BRINP3: variants seen among roughly 807,000 people sequenced by gnomAD.
BRINP3 encodes the protein BMP/retinoic acid inducible neural specific 3.
Under a neutral mutation model 71.0 loss-of-function variants are expected in BRINP3, and 19 were observed. The observed-to-expected ratio is 0.27, with a 90% confidence interval of 0.19 to 0.39. The LOEUF is 0.39. Ranked by LOEUF, BRINP3 falls within the 10% of genes least tolerant of loss-of-function variation. BRINP3 has a pLI of 1.00. For missense variants in BRINP3, 959 were observed against 940.8 expected (o/e 1.02, Z -0.25); for synonymous variants, 380 against 337.7 (o/e 1.13, Z -1.37).
chr1:190,315,012 G>GT (rs1176881355), intron 2 of BRINP3, among the ~76,000 whole-genome samples: 1 of 152,108 alleles, frequency 6.6e-6, no homozygotes, highest in Non-Finnish European at 1.5e-5. Context: ...TAAGGTATGT[G>GT]TTTAAGACAG....
intron 2 of BRINP3, among the ~76,000 whole-genome samples, chr1:190,379,997 C>CAAAAAAAAAA (rs34329313): frequency 2.0e-5 from 2 of 100,840 alleles, no homozygotes; most frequent in South Asian, 3.7e-4. Flanking sequence ...GACTCCACCT[C>CAAAAAAAAAA]AAAAAAAAAA....
At chr1:190,128,141 T>C (rs1490766759) in intron 7 of BRINP3, among the ~76,000 whole-genome samples, 1 of 151,766 alleles carries the variant, frequency 6.6e-6, no homozygotes, top group Non-Finnish European at 1.5e-5. Flanking sequence ...TTATTCATAA[T>C]TATGTGAATT....
intron 2 of BRINP3, among the ~76,000 whole-genome samples, chr1:190,343,093 G>C (rs1212983921): frequency 6.6e-6 from 1 of 151,806 alleles, no homozygotes; most frequent in Non-Finnish European, 1.5e-5. Context: ...ACAGGTTGAA[G>C]TTAAGATGAA....
chr1:190,182,226 A>G (rs1653091342), intron 6 of BRINP3, among the ~76,000 whole-genome samples: 1 of 151,896 alleles, frequency 6.6e-6, no homozygotes, highest in Non-Finnish European at 1.5e-5. Flanking sequence ...TTATGTATTT[A>G]TTTGCCAAAT....
rs529938453 is a variant in BRINP3, at chr1:190,355,469, T to A, written c.237-73719A>T. On this transcript the variant is annotated intron_variant, in intron 2 of 7. Transcript: ENST00000367462. ...GGCCAAAAACCAAAAACAAACATTA[T>A]AAGTGACAACAGCTAAAACTAAGCA... Among the ~76,000 whole-genome samples the A allele has an allele frequency of 7.9e-5, 12 of 152,018 alleles. No individual in the cohort carries two copies. The East Asian group carries it at 2.1e-3, about 27-fold the overall frequency.
intron 2 of BRINP3, among the ~76,000 whole-genome samples, chr1:190,400,531 C>T (rs1034487312): frequency 2.6e-5 from 4 of 152,060 alleles, no homozygotes; most frequent in African/African-American, 7.2e-5. Flanking sequence ...TTTTAGTCAG[C>T]GTGAGGTTTC....
At chr1:190,297,265 G>A (rs1664321562) in intron 2 of BRINP3, among the ~76,000 whole-genome samples, 1 of 151,906 alleles carries the variant, frequency 6.6e-6, no homozygotes, top group African/African-American at 2.4e-5. Context: ...TTTGACAATG[G>A]TGTGAAGAAC....
intron 2 of BRINP3, among the ~76,000 whole-genome samples, chr1:190,432,575 C>T (rs574395174): frequency 1.3e-5 from 2 of 152,230 alleles, no homozygotes; most frequent in South Asian, 2.1e-4. Flanking sequence ...CATGGCATTT[C>T]GGGGCTGATA....
intron 2 of BRINP3, among the ~76,000 whole-genome samples, chr1:190,440,207 T>A (rs762464613): frequency 6.6e-6 from 1 of 151,996 alleles, no homozygotes; most frequent in Non-Finnish European, 1.5e-5. Context: ...CCATCTGATA[T>A]GTTTTATTCA....
chr1:190,366,851 A>T (rs966457691), intron 2 of BRINP3, among the ~76,000 whole-genome samples: 2 of 152,198 alleles, frequency 1.3e-5, no homozygotes, highest in Non-Finnish European at 1.5e-5. Context: ...TCTGTGTCTC[A>T]CATCCAGGGC....
intron 7 of BRINP3, among the ~76,000 whole-genome samples, chr1:190,126,158 T>C (rs1654069246): frequency 6.6e-6 from 1 of 151,968 alleles, no homozygotes; most frequent in African/African-American, 2.4e-5. Context: ...ATTTAAACAA[T>C]TGGAATAAAA....
At chr1:190,109,348 CAA>C (rs1307409313) in intron 7 of BRINP3, among the ~76,000 whole-genome samples, 1 of 152,110 alleles carries the variant, frequency 6.6e-6, no homozygotes, top group Non-Finnish European at 1.5e-5. Context: ...CAAGGATTAA[CAA>C]AAGTCATTCT....
At chr1:190,241,917 C>A (rs972517226) in intron 4 of BRINP3, among the ~76,000 whole-genome samples, 8 of 151,288 alleles carry the variant, frequency 5.3e-5, no homozygotes, top group South Asian at 2.1e-4. Context: ...GAAGATAGTG[C>A]CTTATAATAT....
At chr1:190,301,182 TATATGTATATATATACACATAC>T (rs1558160389) in intron 2 of BRINP3, among the ~76,000 whole-genome samples, 4 of 114,918 alleles carry the variant, frequency 3.5e-5, no homozygotes, top group African/African-American at 6.4e-5. Context: ...TATACATATA[TATATGTATATATATACACATAC>T]ATATATATAT....
chr1:190,430,776 G>A (rs1378431627), intron 2 of BRINP3, among the ~76,000 whole-genome samples: 1 of 152,072 alleles, frequency 6.6e-6, no homozygotes, highest in African/African-American at 2.4e-5. Flanking sequence ...TGAAAGTATT[G>A]ACAAAAACCA....
chr1:190,366,681 G>A (rs1669525760), intron 2 of BRINP3, among the ~76,000 whole-genome samples: 1 of 152,102 alleles, frequency 6.6e-6, no homozygotes, highest in South Asian at 2.1e-4. Flanking sequence ...AAGCAAATTA[G>A]TTACTTCCTA....
At chr1:190,218,923 G>A (rs1656638173) in intron 6 of BRINP3, among the ~76,000 whole-genome samples, 1 of 152,004 alleles carries the variant, frequency 6.6e-6, no homozygotes, top group African/African-American at 2.4e-5. Context: ...ATATTTTGTT[G>A]AAGCCATCAT....
intron 2 of BRINP3, among the ~76,000 whole-genome samples, chr1:190,364,665 T>C (rs1403862542): frequency 6.6e-6 from 1 of 152,062 alleles, no homozygotes; most frequent in African/African-American, 2.4e-5. Flanking sequence ...CAAATTGCTC[T>C]TCCAGTAAAG....
intron 6 of BRINP3, among the ~76,000 whole-genome samples, chr1:190,179,317 G>A (rs1354731638): frequency 6.6e-6 from 1 of 152,122 alleles, no homozygotes; most frequent in Admixed American, 6.6e-5. Flanking sequence ...AGCAATGACA[G>A]CTTGGTCCCT....
Sources: allele counts gnomAD v4.1 joint callset (sites outside exome capture counted in the v4.1 genomes callset), GRCh38; gene constraint gnomAD v4.1.1; transcripts MANE v1.5; gene names NCBI Gene and HGNC (gene_info 2026-07-23, HGNC 2026-07-21).